SBF2: variants seen among roughly 807,000 people sequenced by gnomAD.
SBF2 encodes SET binding factor 2, also known as myotubularin-related protein 13.
SBF2 carries 112 observed loss-of-function variants against 225.2 expected under a neutral mutation model. The ratio of observed to expected loss-of-function variants is 0.50; its 90% CI spans 0.43 to 0.58. The LOEUF (loss-of-function observed/expected upper bound fraction) is 0.58. Ranked by LOEUF, SBF2 falls within the 20% of genes least tolerant of loss-of-function variation. The pLI, the probability that SBF2 is intolerant of heterozygous loss-of-function variation, is 0.00. For synonymous variants in SBF2, 763 were observed against 773.3 expected, an observed-to-expected ratio of 0.99 and a Z score of 0.22; for missense variants, 1,996 against 2,206.2, an observed-to-expected ratio of 0.90 and a Z score of 1.91.
intron 26 of SBF2, among the ~76,000 whole-genome samples, chr11:9,833,789 T>C (rs1436094531): frequency 1.3e-5 from 2 of 149,234 alleles, no homozygotes; most frequent in Non-Finnish European, 3.0e-5. Flanking sequence ...TTTTTTTTTT[T>C]TGAGATGGAG....
chr11:9,959,362 C>T lies in SBF2; in HGVS notation c.1860+2595G>A, dbSNP rs1291512627. ...GGGGCTCAGGGAATCCACTGGAAGG[C>T]CAACCAAAGGGGTGCCCGTCTGTCC... is the stretch of plus-strand genomic sequence containing the variant. On this transcript the variant is annotated intron_variant, in intron 16 of 39. Coordinates refer to ENST00000256190, the MANE Select transcript of SBF2 (RefSeq NM_030962.4). The T allele has an allele frequency of 6.3e-6, 5 of 787,428 alleles. No homozygotes were observed. The Admixed American group carries it at 8.5e-5, about 13-fold the overall frequency. 48.8% of individuals were successfully genotyped at this position (787,428 alleles called of 1,614,324 possible).
At chr11:10,145,483 G>C (rs2135151516) in intron 2 of SBF2, among the ~76,000 whole-genome samples, 1 of 152,116 alleles carries the variant, frequency 6.6e-6, no homozygotes, top group East Asian at 1.9e-4. Context: ...ATCTTGATGG[G>C]AGGGGTATAA....
chr11:10,096,712 A>C (rs1952040511), intron 2 of SBF2, among the ~76,000 whole-genome samples: 1 of 152,202 alleles, frequency 6.6e-6, no homozygotes, highest in Non-Finnish European at 1.5e-5. Context: ...GTCAAAAGGC[A>C]CCTCAATAGT....
rs773092734 is a variant in SBF2, at chr11:9,790,710, C to G, written c.4571-27G>C. ...TGTAGATTAAAAAAATCCAACAAAACAAAATTAAATAAATTCACACTTTGC... is the reference window on the plus strand; with the variant it reads ...TGTAGATTAAAAAAATCCAACAAAAGAAAATTAAATAAATTCACACTTTGC... On this transcript the variant is annotated intron_variant, in intron 33 of 39. Transcript: ENST00000256190. 7.9e-6 allele frequency: 12 copies of G among 1,527,378 alleles called. No individual in the cohort carries two copies. In the African/African-American group the frequency reaches 8.3e-5, roughly 11 times the overall value. The allele number at this position is 1,527,378 out of a possible 1,614,324, so 94.6% of individuals were successfully genotyped here. A position where few individuals can be genotyped will look rare whatever the true frequency, so the allele number is the denominator to read the frequency against.
intron 1 of SBF2, among the ~76,000 whole-genome samples, chr11:10,202,993 C>T (rs1331101650): frequency 1.3e-5 from 2 of 151,326 alleles, no homozygotes; most frequent in Non-Finnish European, 2.9e-5. Flanking sequence ...CCTATAATTG[C>T]CCCAGCTTAC....
At chr11:10,187,112 A>ATTC (rs1317258329) in intron 2 of SBF2, among the ~76,000 whole-genome samples, 1 of 152,144 alleles carries the variant, frequency 6.6e-6, no homozygotes, top group Non-Finnish European at 1.5e-5. Context: ...TATGGATAAT[A>ATTC]TATACTGCCT....
intron 1 of SBF2, among the ~76,000 whole-genome samples, chr11:10,203,509 A>G (rs1002843632): frequency 3.3e-5 from 5 of 152,220 alleles, no homozygotes; most frequent in Non-Finnish European, 7.3e-5. Context: ...ACGAAGTTCA[A>G]GAATATTTAC....
At chr11:10,232,487 A>C (rs2135438583) in intron 1 of SBF2, among the ~76,000 whole-genome samples, 1 of 152,302 alleles carries the variant, frequency 6.6e-6, no homozygotes, top group East Asian at 1.9e-4. Context: ...AAGTCAGGAA[A>C]TACATAGACC....
At chr11:9,792,891 T>C (rs546975613) in intron 33 of SBF2, among the ~76,000 whole-genome samples, 1 of 150,938 alleles carries the variant, frequency 6.6e-6, no homozygotes, top group African/African-American at 2.4e-5. Context: ...CAGCTGCAAC[T>C]ACAGGAGTGC....
chr11:10,217,543 T>G (rs1958175305), intron 1 of SBF2, among the ~76,000 whole-genome samples: 1 of 152,164 alleles, frequency 6.6e-6, no homozygotes, highest in Non-Finnish European at 1.5e-5. Flanking sequence ...CCCTGACAAC[T>G]TTACGTAGTT....
At chr11:10,066,721 C>G (rs1019876637) in intron 2 of SBF2, among the ~76,000 whole-genome samples, 1 of 152,150 alleles carries the variant, frequency 6.6e-6, no homozygotes, top group African/African-American at 2.4e-5. Flanking sequence ...AAGATAGGCA[C>G]GTCTTCTATC....
intron 16 of SBF2, among the ~76,000 whole-genome samples, chr11:9,918,683 G>A (rs1048188316): frequency 2.0e-5 from 3 of 151,376 alleles, no homozygotes; most frequent in Non-Finnish European, 2.9e-5. Flanking sequence ...TTTGCCTTCT[G>A]TCTTCTAAAA....
chr11:10,117,865 T>C (rs1335278846), intron 2 of SBF2, among the ~76,000 whole-genome samples: 2 of 152,180 alleles, frequency 1.3e-5, no homozygotes, highest in Non-Finnish European at 2.9e-5. Context: ...GAATTAATAC[T>C]GTTCAGTTTT....
intron 14 of SBF2, among the ~76,000 whole-genome samples, chr11:9,967,947 G>GTCTGTCTCTCTCTCTCTCTCTC (rs57976016): frequency 1.0e-5 from 1 of 100,254 alleles, no homozygotes; most frequent in African/African-American, 3.8e-5. Context: ...CTGTCTGTCT[G>GTCTGTCTCTCTCTCTCTCTCTC]TCTCTCTCTC....
Position 9,785,354 on chromosome 11 carries a change from C to T in SBF2, c.5038-36G>A, listed in dbSNP as rs1852301450. 1.9e-6 allele frequency: 3 copies of T among 1,550,544 alleles called. No individual in the cohort carries two copies. The African/African-American group carries it at 4.2e-5, about 22-fold the overall frequency. ...CAGGACAGGAGCTAGGAAACCTTTA[C>T]AGACACTTAAACTACTGACTGGAAA... is the stretch of plus-strand genomic sequence containing the variant. On this transcript the variant is annotated intron_variant, in intron 36 of 39. Transcript: ENST00000256190.
intron 13 of SBF2, among the ~76,000 whole-genome samples, chr11:9,980,662 C>A (rs763990522): frequency 9.9e-5 from 15 of 151,848 alleles, no homozygotes; most frequent in Non-Finnish European, 2.1e-4. Flanking sequence ...TCTCGGCTTA[C>A]TGCAAGCTCC....
At chr11:10,296,489 C>A (rs539433605), upstream of SBF2, among the ~76,000 whole-genome samples, 15 of 152,252 alleles carry the variant, frequency 9.9e-5, no homozygotes, top group South Asian at 3.1e-3. Flanking sequence ...AGGAGAAAGA[C>A]CCGCCCCCAT....
At chr11:10,208,850 TTC>T (rs1450267949) in intron 1 of SBF2, among the ~76,000 whole-genome samples, 1 of 152,074 alleles carries the variant, frequency 6.6e-6, no homozygotes, top group African/African-American at 2.4e-5. Context: ...TAAAACACAA[TTC>T]TCTATGACTT....
At chr11:10,129,904 G>A (rs996867465) in intron 2 of SBF2, among the ~76,000 whole-genome samples, 1 of 152,044 alleles carries the variant, frequency 6.6e-6, no homozygotes, top group Non-Finnish European at 1.5e-5. Context: ...CAGCTACTTG[G>A]GAAGCTGAGG....
Sources: allele counts gnomAD v4.1 joint callset (sites outside exome capture counted in the v4.1 genomes callset), GRCh38; gene constraint gnomAD v4.1.1; transcripts MANE v1.5; gene names NCBI Gene and HGNC (gene_info 2026-07-23, HGNC 2026-07-21).